The following RHBDD1 variants were observed in gnomAD, a reference collection of about 807,000 sequenced individuals.
The protein encoded by RHBDD1 is rhomboid domain containing 1.
RHBDD1 carries 38 observed loss-of-function variants against 36.3 expected under a neutral mutation model. That is an observed-to-expected ratio of 1.05 (90% CI 0.81 to 1.37). The LOEUF is 1.37. Ranked by LOEUF, RHBDD1 falls within the 40% of genes most tolerant of loss-of-function variation. The pLI, the probability that RHBDD1 is intolerant of heterozygous loss-of-function variation, is 0.00. For synonymous variants in RHBDD1, 151 were observed against 136.5 expected, an observed-to-expected ratio of 1.11 and a Z score of -0.74; for missense variants, 393 against 377.6, an observed-to-expected ratio of 1.04 and a Z score of -0.34.
chr2:226,993,075 C>CA (rs1319607262), intron 8 of RHBDD1, among the ~76,000 whole-genome samples: 1 of 152,242 alleles, frequency 6.6e-6, no homozygotes, highest in Non-Finnish European at 1.5e-5. Flanking sequence ...GAATGCCCTG[C>CA]AAATGGGTCC....
chr2:226,953,136 A>G (rs529061697), intron 8 of RHBDD1, among the ~76,000 whole-genome samples: 1 of 152,226 alleles, frequency 6.6e-6, no homozygotes, highest in Non-Finnish European at 1.5e-5. Context: ...ATGTTAACAC[A>G]ATACGGTGAA....
At position 226,860,370 on chromosome 2, in the gene RHBDD1, GT is replaced by G. The variant is rs1381232238; in HGVS notation, c.-90-4232del. 3.3e-5 allele frequency among the ~76,000 whole-genome samples: 5 copies of G among 152,282 alleles called. No individual in the cohort carries two copies. In the East Asian group the frequency reaches 9.6e-4, roughly 29 times the overall value. ...ACCCAACAGATTTTACAGGTTTTCA[GT>G]TCACAGATAAGTTGCTATAATTGAT... On this transcript the variant is annotated intron_variant, in intron 3 of 8. Coordinates refer to ENST00000392062, the MANE Select transcript of RHBDD1 (RefSeq NM_001167608.3).
At chr2:226,951,845 G>A (rs1354725621) in intron 8 of RHBDD1, among the ~76,000 whole-genome samples, 2 of 152,250 alleles carry the variant, frequency 1.3e-5, no homozygotes, top group African/African-American at 4.8e-5. Flanking sequence ...TGTCCGACAT[G>A]TTTCAGTGAA....
chr2:226,990,596 T>C (rs1436747456), intron 8 of RHBDD1, among the ~76,000 whole-genome samples: 3 of 152,186 alleles, frequency 2.0e-5, no homozygotes, highest in African/African-American at 7.2e-5. Flanking sequence ...CTCATGGTGT[T>C]CCTTTTAGCA....
chr2:226,871,750 G>T (rs1307184923), intron 5 of RHBDD1, among the ~76,000 whole-genome samples: 1 of 152,172 alleles, frequency 6.6e-6, no homozygotes, highest in East Asian at 1.9e-4. Flanking sequence ...ATTAGATTCA[G>T]ATTAAACTGG....
At chr2:226,801,374 T>C in the RHBDD1 span, among the ~76,000 whole-genome samples, 1 of 151,674 alleles carries the variant, frequency 6.6e-6, no homozygotes, top group African/African-American at 2.4e-5. Context: ...CAAAGCGTAG[T>C]AAAAAAAGAA....
At chr2:226,909,674 G>C (rs989534965) in intron 7 of RHBDD1, among the ~76,000 whole-genome samples, 4 of 152,096 alleles carry the variant, frequency 2.6e-5, no homozygotes, top group Non-Finnish European at 5.9e-5. Context: ...GAGCTCTCTA[G>C]CTTCCTCACT....
the RHBDD1 span, among the ~76,000 whole-genome samples, chr2:226,827,976 C>CA: frequency 6.6e-6 from 1 of 152,098 alleles, no homozygotes; most frequent in Admixed American, 6.6e-5. Flanking sequence ...ATTTACATAG[C>CA]AAAAAATTCG....
At chr2:226,929,728 G>A (rs888506198) in intron 8 of RHBDD1, among the ~76,000 whole-genome samples, 3 of 151,866 alleles carry the variant, frequency 2.0e-5, no homozygotes, top group South Asian at 4.2e-4. Flanking sequence ...TGATATGATT[G>A]TATGCTTGGA....
chr2:226,982,076 C>G (rs192638401), intron 8 of RHBDD1, among the ~76,000 whole-genome samples: 118 of 152,294 alleles, frequency 7.7e-4, no homozygotes, highest in African/African-American at 2.7e-3. Flanking sequence ...TTTCAACTTC[C>G]CCCCGCCCTC....
chr2:226,965,953 T>C (rs978744877), intron 8 of RHBDD1, among the ~76,000 whole-genome samples: 21 of 151,428 alleles, frequency 1.4e-4, no homozygotes, highest in Admixed American at 2.6e-4. Context: ...ATATCACTGA[T>C]GAACATAGAC....
intron 3 of RHBDD1, among the ~76,000 whole-genome samples, chr2:226,840,932 A>C (rs556486352): frequency 2.0e-5 from 3 of 152,056 alleles, no homozygotes; most frequent in Non-Finnish European, 2.9e-5. Context: ...CTGTGAAAAA[A>C]ATTTCACTAC....
chr2:226,922,358 C>T (rs577626120), intron 8 of RHBDD1, among the ~76,000 whole-genome samples: 283 of 151,930 alleles, frequency 1.9e-3, no homozygotes, highest in African/African-American at 6.4e-3. Context: ...CAGGTGCCTG[C>T]TGCCACGCCC....
At chr2:226,934,258 GT>G (rs1272337767) in intron 8 of RHBDD1, among the ~76,000 whole-genome samples, 1 of 152,052 alleles carries the variant, frequency 6.6e-6, no homozygotes, top group Admixed American at 6.6e-5. Context: ...TGCTATAGAG[GT>G]TTGTAGCCTA....
chr2:226,900,605 A>C (rs551513187), intron 5 of RHBDD1, among the ~76,000 whole-genome samples: 4 of 152,322 alleles, frequency 2.6e-5, no homozygotes, highest in Non-Finnish European at 5.9e-5. Flanking sequence ...TACACTGTCC[A>C]AGCGTATGTA....
intron 8 of RHBDD1, among the ~76,000 whole-genome samples, chr2:226,984,818 T>C (rs958931801): frequency 1.3e-5 from 2 of 151,586 alleles, no homozygotes; most frequent in African/African-American, 4.8e-5. Context: ...GTTCTGAGTG[T>C]CCTTAGACAG....
chr2:226,978,061 T>C (rs1219895892), intron 8 of RHBDD1, among the ~76,000 whole-genome samples: 2 of 151,710 alleles, frequency 1.3e-5, no homozygotes, highest in Non-Finnish European at 2.9e-5. Flanking sequence ...TCACTGGAGC[T>C]TGTACTGCCC....
chr2:226,855,361 G>T (rs928968415), intron 3 of RHBDD1, among the ~76,000 whole-genome samples: 2 of 152,170 alleles, frequency 1.3e-5, no homozygotes, highest in African/African-American at 4.8e-5. Flanking sequence ...TAAAAAACTA[G>T]CTGGGTGTGG....
At chr2:226,840,368 C>T (rs1941477947) in intron 3 of RHBDD1, among the ~76,000 whole-genome samples, 1 of 152,142 alleles carries the variant, frequency 6.6e-6, no homozygotes, top group African/African-American at 2.4e-5. Flanking sequence ...GGGTTATTTA[C>T]CATCTAGTTT....
Sources: gnomAD v4.1 joint callset for allele counts (sites outside exome capture counted in the v4.1 genomes callset) on GRCh38, gnomAD v4.1.1 for gene constraint, MANE v1.5 for transcripts, NCBI Gene and HGNC (gene_info 2026-07-23, HGNC 2026-07-21) for gene names.